Variants in IL1RAPL1 observed in about 807,000 individuals in gnomAD.
The protein encoded by IL1RAPL1 is interleukin 1 receptor accessory protein like 1.
Under a neutral mutation model 48.4 loss-of-function variants are expected in IL1RAPL1, and 3 were observed. The ratio of observed to expected loss-of-function variants is 0.06; its 90% CI spans 0.03 to 0.16. The LOEUF (loss-of-function observed/expected upper bound fraction) is 0.16, where lower values mean the gene tolerates loss of function less well. IL1RAPL1 is among the 10% of genes least tolerant of loss of function. The pLI, the probability that IL1RAPL1 is intolerant of heterozygous loss-of-function variation, is 1.00. For missense variants in IL1RAPL1, 349 were observed against 530.6 expected, an observed-to-expected ratio of 0.66 and a Z score of 3.36; for synonymous variants, 185 against 187.7, an observed-to-expected ratio of 0.99 and a Z score of 0.12.
intron 5 of IL1RAPL1, among the ~76,000 whole-genome samples, chrX:29,428,465 A>C (rs1934375770): frequency 9.0e-6 from 1 of 111,129 alleles, no homozygotes; most frequent in Non-Finnish European, 1.9e-5. Flanking sequence ...AGTTGAGGAG[A>C]AAAGAGCAAG....
chrX:28,824,290 T>G (rs867321532), intron 2 of IL1RAPL1, among the ~76,000 whole-genome samples: 5 of 111,287 alleles, frequency 4.5e-5, no homozygotes, highest in Non-Finnish European at 9.4e-5. Flanking sequence ...TCCCTTTACT[T>G]TATGTATTCT....
At chrX:29,471,022 A>T (rs1934914831) in intron 5 of IL1RAPL1, among the ~76,000 whole-genome samples, 2 of 111,459 alleles carry the variant, frequency 1.8e-5, no homozygotes, top group Non-Finnish European at 3.8e-5. Context: ...ACATTTTATC[A>T]CCCCCAAAAC....
intron 2 of IL1RAPL1, among the ~76,000 whole-genome samples, chrX:29,267,710 A>G (rs1052740487): frequency 1.8e-5 from 2 of 112,266 alleles, no homozygotes; most frequent in African/African-American, 6.5e-5. Flanking sequence ...CAGCAAATGA[A>G]CAAGCTCTGC....
At chrX:29,282,229 C>G (rs1932213670) in intron 2 of IL1RAPL1, among the ~76,000 whole-genome samples, 1 of 112,419 alleles carries the variant, frequency 8.9e-6, no homozygotes, top group South Asian at 3.6e-4. Context: ...ACCATTAGCC[C>G]TAGGGCTGAG....
At position 28,714,887 on chromosome X, in the gene IL1RAPL1, A is replaced by G. The variant is rs781381675; in HGVS notation, c.-24-74433A>G. Among the ~76,000 whole-genome samples, 10 of 111,873 alleles carry G rather than the reference A, an allele frequency of 8.9e-5. No individual in the cohort carries two copies. In the East Asian group the frequency reaches 2.8e-3, roughly 31 times the overall value. On this transcript the variant is annotated intron_variant, in intron 1 of 10. Transcript: ENST00000378993. ...CATACTGGCCAGTTGTAAACATTAG[A>G]TCATATTAAAATCATTCATGGATCT...
intron 6 of IL1RAPL1, among the ~76,000 whole-genome samples, chrX:29,679,646 T>C (rs1170768213): frequency 8.9e-6 from 1 of 111,973 alleles, no homozygotes; most frequent in East Asian, 2.8e-4. Context: ...ATTATTATTT[T>C]AAAAAAAACC....
At chrX:28,704,796 T>TCACACA (rs201309320) in intron 1 of IL1RAPL1, among the ~76,000 whole-genome samples, 5 of 50,577 alleles carry the variant, frequency 9.9e-5, no homozygotes, top group South Asian at 1.4e-3. Flanking sequence ...AGGTTTGAGT[T>TCACACA]CACACACACA....
intron 6 of IL1RAPL1, among the ~76,000 whole-genome samples, chrX:29,796,498 T>C (rs1423091207): frequency 9.0e-6 from 1 of 111,410 alleles, no homozygotes; most frequent in African/African-American, 3.3e-5. Flanking sequence ...CTAAGAGTCA[T>C]TCTCTATTTC....
intron 2 of IL1RAPL1, among the ~76,000 whole-genome samples, chrX:29,168,661 TGTA>T (rs1444158530): frequency 1.0e-5 from 1 of 95,908 alleles, no homozygotes; most frequent in African/African-American, 3.7e-5. Flanking sequence ...GTATATGTAT[TGTA>T]TATATATTGT....
intron 2 of IL1RAPL1, among the ~76,000 whole-genome samples, chrX:28,938,816 TA>T (rs1254459413): frequency 9.1e-6 from 1 of 110,127 alleles, no homozygotes; most frequent in Admixed American, 9.7e-5. Context: ...ATGAGGAACT[TA>T]AAAAAATTTG....
intron 2 of IL1RAPL1, among the ~76,000 whole-genome samples, chrX:29,052,452 A>G (rs1927114552): frequency 9.0e-6 from 1 of 111,491 alleles, no homozygotes; most frequent in Non-Finnish European, 1.9e-5. Context: ...TTTGAGGTAT[A>G]CAATACATTA....
At chrX:28,763,595 A>G (rs1223305074) in intron 1 of IL1RAPL1, among the ~76,000 whole-genome samples, 2 of 111,403 alleles carry the variant, frequency 1.8e-5, no homozygotes, top group Non-Finnish European at 3.8e-5. Context: ...AGTGAGAAGA[A>G]TAAAAACTAG....
intron 2 of IL1RAPL1, among the ~76,000 whole-genome samples, chrX:29,097,560 G>A (rs1223667208): frequency 2.7e-5 from 3 of 111,787 alleles, no homozygotes; most frequent in Non-Finnish European, 5.6e-5. Context: ...AGTTGTTTAA[G>A]CTTTCAGCCC....
intron 6 of IL1RAPL1, among the ~76,000 whole-genome samples, chrX:29,795,962 C>A (rs977355327): frequency 8.9e-6 from 1 of 112,441 alleles, no homozygotes; most frequent in Non-Finnish European, 1.9e-5. Flanking sequence ...AGTAAAGTTT[C>A]TTGGAACCTT....
chrX:28,792,562 C>T (rs1402391142), intron 2 of IL1RAPL1, among the ~76,000 whole-genome samples: 3 of 105,464 alleles, frequency 2.8e-5, no homozygotes, highest in Non-Finnish European at 5.8e-5. Flanking sequence ...CCGAGGCGGG[C>T]AGATCACGAG....
chrX:29,686,946 G>T (rs1197741673), intron 6 of IL1RAPL1, among the ~76,000 whole-genome samples: 1 of 108,280 alleles, frequency 9.2e-6, no homozygotes, highest in East Asian at 2.9e-4. Context: ...AATCTACAGT[G>T]AGATATCACC....
intron 2 of IL1RAPL1, among the ~76,000 whole-genome samples, chrX:29,177,087 C>T (rs768473666): frequency 9.0e-6 from 1 of 111,115 alleles, no homozygotes; most frequent in Non-Finnish European, 1.9e-5. Context: ...TCTCCCTTCT[C>T]CTATAAAGGG....
At position 29,836,469 on chromosome X, in the gene IL1RAPL1, A is replaced by G. The variant is rs776564727; in HGVS notation, c.779-80995A>G. 1.9e-4 allele frequency among the ~76,000 whole-genome samples: 21 copies of G among 111,820 alleles called. No individual in the cohort carries two copies. The South Asian group carries it at 6.3e-3, about 34-fold the overall frequency. ...CTCCCAAAGTGCTGGGATTACAGGC[A>G]TGAGCCACCGTGCCTGGCCCGTGTT... On this transcript the variant is annotated intron_variant, in intron 6 of 10. Transcript: ENST00000378993.
At chrX:29,691,329 G>A (rs1015774244) in intron 6 of IL1RAPL1, among the ~76,000 whole-genome samples, 7 of 111,554 alleles carry the variant, frequency 6.3e-5, no homozygotes, top group African/African-American at 2.3e-4. Flanking sequence ...AATTGCACTT[G>A]TCTGTTGGGC....
Sources: gnomAD v4.1 joint callset for allele counts (sites outside exome capture counted in the v4.1 genomes callset) on GRCh38, gnomAD v4.1.1 for gene constraint, MANE v1.5 for transcripts, NCBI Gene and HGNC (gene_info 2026-07-23, HGNC 2026-07-21) for gene names.